The following RAPGEF5 variants were observed in gnomAD, a reference collection of about 807,000 sequenced individuals.
The protein encoded by RAPGEF5 is Rap guanine nucleotide exchange factor 5.
Under a neutral mutation model 125.2 loss-of-function variants are expected in RAPGEF5, and 65 were observed. The observed-to-expected ratio is 0.52, with a 90% CI of 0.43 to 0.64. The LOEUF (loss-of-function observed/expected upper bound fraction) is 0.64. Ranked by LOEUF, RAPGEF5 falls within the 30% of genes least tolerant of loss-of-function variation. The pLI, the probability that RAPGEF5 is intolerant of heterozygous loss-of-function variation, is 0.00. For missense variants in RAPGEF5, 958 were observed against 1,048.1 expected (o/e 0.91, Z 1.19); for synonymous variants, 391 against 385.9 (o/e 1.01, Z -0.16).
chr7:22,190,792 G>A lies in RAPGEF5; in HGVS notation c.1204+2575C>T, dbSNP rs147790731. Among the ~76,000 whole-genome samples the A allele has an allele frequency of 3.7e-4, 57 of 152,246 alleles. No individual in the cohort carries two copies. In the East Asian group the frequency reaches 9.7e-3, roughly 26 times the overall value. The stretch of plus-strand genomic sequence containing the variant: ...TGTTCAGTTATCTTCCCCAGCCTCT[G>A]ATGGGTCCAAAAATGTAAGAATCCA... On this transcript the variant is annotated intron_variant, in intron 11 of 25. Transcript: ENST00000665637.
intron 9 of RAPGEF5, among the ~76,000 whole-genome samples, chr7:22,206,020 A>G (rs1489640418): frequency 6.6e-6 from 1 of 152,224 alleles, no homozygotes; most frequent in African/African-American, 2.4e-5. Flanking sequence ...GAACTTCCTG[A>G]GTAATCAATT....
intron 1 of RAPGEF5, among the ~76,000 whole-genome samples, chr7:22,334,597 G>A: frequency 6.6e-6 from 1 of 152,202 alleles, no homozygotes; most frequent in East Asian, 1.9e-4. Flanking sequence ...TTATTTAGCA[G>A]CACTGCCAAC....
chr7:22,178,655 C>G (rs372853452), intron 11 of RAPGEF5, among the ~76,000 whole-genome samples: 2 of 152,200 alleles, frequency 1.3e-5, no homozygotes, highest in East Asian at 1.9e-4. Flanking sequence ...AGCACAGAAG[C>G]CTCTGTTTCC....
At chr7:22,309,112 G>C (rs1783412001) in intron 4 of RAPGEF5, among the ~76,000 whole-genome samples, 4 of 152,294 alleles carry the variant, frequency 2.6e-5, no homozygotes, top group Admixed American at 2.6e-4. Context: ...TGTTTTAAAG[G>C]AATCAAGAGC....
At chr7:22,306,969 T>C (rs1783356661) in intron 5 of RAPGEF5, among the ~76,000 whole-genome samples, 1 of 152,216 alleles carries the variant, frequency 6.6e-6, no homozygotes, top group African/African-American at 2.4e-5. Flanking sequence ...GTAGCATAAT[T>C]TGAAGTCAGG....
chr7:22,156,224 C>G (rs1406020556), intron 16 of RAPGEF5, among the ~76,000 whole-genome samples: 1 of 152,228 alleles, frequency 6.6e-6, no homozygotes, highest in South Asian at 2.1e-4. Context: ...TTTTCCAGCT[C>G]TGTGCTTGAC....
intron 6 of RAPGEF5, among the ~76,000 whole-genome samples, chr7:22,275,697 A>T (rs1782539212): frequency 6.8e-6 from 1 of 147,140 alleles, no homozygotes; most frequent in African/African-American, 2.6e-5. Context: ...GAGAACAAGC[A>T]TGTTCTCTTT....
At chr7:22,233,060 A>C (rs1194196178) in intron 7 of RAPGEF5, among the ~76,000 whole-genome samples, 1 of 152,174 alleles carries the variant, frequency 6.6e-6, no homozygotes, top group African/African-American at 2.4e-5. Flanking sequence ...GCTAGGAGGA[A>C]ACTTAAGAAC....
At chr7:22,314,974 A>G (rs1015120772) in intron 3 of RAPGEF5, among the ~76,000 whole-genome samples, 1 of 152,046 alleles carries the variant, frequency 6.6e-6, no homozygotes, top group Non-Finnish European at 1.5e-5. Context: ...TCACCTGGAG[A>G]GTTAGAGCAT....
At chr7:22,162,601 T>G in intron 12 of RAPGEF5, 60 bp from the exon 13 acceptor site, 1 of 1,462,928 alleles carries the variant, frequency 6.8e-7, no homozygotes, top group Non-Finnish European at 9.4e-7. Flanking sequence ...AGACATCCAT[T>G]TACTCTTATT....
At chr7:22,194,499 C>T (rs2128126414) in intron 9 of RAPGEF5, 1 of 781,010 alleles carries the variant, frequency 1.3e-6, no homozygotes, top group Non-Finnish European at 1.6e-6. Context: ...TCAGTAGTTG[C>T]AATCAATACA....
chr7:22,184,560 C>G (rs927687375), intron 11 of RAPGEF5, among the ~76,000 whole-genome samples: 2 of 152,188 alleles, frequency 1.3e-5, no homozygotes, highest in South Asian at 2.1e-4. Flanking sequence ...GTATGCTATA[C>G]TCCTATTAAA....
chr7:22,276,952 T>C (rs941500164), intron 6 of RAPGEF5, among the ~76,000 whole-genome samples: 1 of 152,232 alleles, frequency 6.6e-6, no homozygotes, highest in African/African-American at 2.4e-5. Flanking sequence ...ATTGCTTTAA[T>C]ATTGCATATG....
Position 22,315,406 on chromosome 7 carries a change from A to G in RAPGEF5, c.353T>C (p.Leu118Pro). The change falls in exon 3 of 26, where the codon CTG (leucine) becomes CCG (proline). Residue 118 changes from leucine to proline, a missense_variant. Leu to Pro is a moderately conservative substitution (Grantham distance 98, BLOSUM62 -3). Transcript: ENST00000665637. Reference protein sequence around the residue: ...RNIIIVQAADLIKDRVNLKGF... With the variant: ...RNIIIVQAADPIKDRVNLKGF... ...CTTGAGGTTCACTCTGTCCTTTATC[A>G]GGTCAGCTGCTTGAACGATAATAAT... is the stretch of plus-strand genomic sequence containing the variant. The G allele has an allele frequency of 6.5e-7, 1 of 1,538,602 alleles. No homozygotes were observed. Among genetic ancestry groups the G allele is most frequent in the Non-Finnish European group, 8.8e-7 (1 of 1,142,170 alleles).
Position 22,136,925 on chromosome 7 carries a change from C to T in RAPGEF5, c.2328+8G>A, listed in dbSNP as rs1783097289. 1.3e-6 allele frequency: 2 copies of T among 1,569,594 alleles called. No individual in the cohort carries two copies. The highest frequency in any genetic ancestry group is 1.7e-6 in the Non-Finnish European group (2 of 1,147,320). ...GAAGAATAAGTCCCCTTTGGCTCAA[C>T]TACTTACTGTTAAACTTTCAAGTTC... On this transcript the variant is annotated splice_region_variant and intron_variant, in intron 22 of 25. Coordinates refer to ENST00000665637, the MANE Select transcript of RAPGEF5 (RefSeq NM_012294.5).
At chr7:22,330,989 C>T (rs1428146338) in intron 1 of RAPGEF5, among the ~76,000 whole-genome samples, 2 of 152,282 alleles carry the variant, frequency 1.3e-5, no homozygotes, top group Middle Eastern at 6.8e-3. Context: ...TAGAGCTCCA[C>T]AGGCAAGGAT....
At chr7:22,350,880 G>C (rs2128389369) in intron 1 of RAPGEF5, among the ~76,000 whole-genome samples, 1 of 152,276 alleles carries the variant, frequency 6.6e-6, no homozygotes, top group East Asian at 1.9e-4. Context: ...CCAAGGATCA[G>C]GATAGTAGTT....
rs1480081609 is a variant in RAPGEF5 at position 22,315,489 on chromosome 7, G to C, written c.283-13C>G. On this transcript the variant is annotated splice_polypyrimidine_tract_variant and intron_variant, in intron 2 of 25. Coordinates refer to ENST00000665637, the MANE Select transcript of RAPGEF5 (RefSeq NM_012294.5). ...TCTCTCCATAAATCTAAATGGAAAAGACAGTCACTGTAAATATAGAACAAT... is the reference window on the plus strand; with the variant it reads ...TCTCTCCATAAATCTAAATGGAAAACACAGTCACTGTAAATATAGAACAAT... 4 of 1,454,280 alleles carry C rather than the reference G, an allele frequency of 2.8e-6. No homozygotes were observed. Among genetic ancestry groups the C allele is most frequent in the East Asian group, 2.7e-5 (1 of 36,800 alleles). 90.1% of individuals were successfully genotyped at this position (1,454,280 alleles called of 1,614,324 possible).
intron 7 of RAPGEF5, among the ~76,000 whole-genome samples, chr7:22,265,363 C>T (rs773501761): frequency 8.5e-5 from 13 of 152,152 alleles, no homozygotes; most frequent in Non-Finnish European, 1.6e-4. Flanking sequence ...CAGTATTTGT[C>T]TTTCTGTGCC....
Sources: allele counts gnomAD v4.1 joint callset (sites outside exome capture counted in the v4.1 genomes callset), GRCh38; gene constraint gnomAD v4.1.1; transcripts MANE v1.5; gene names NCBI Gene and HGNC (gene_info 2026-07-23, HGNC 2026-07-21).